TMEM163: variants seen among roughly 807,000 people sequenced by gnomAD.
TMEM163 encodes transmembrane protein 163.
In TMEM163, 17 loss-of-function variants were observed where a neutral mutation model predicts 29.3. The ratio of observed to expected loss-of-function variants is 0.58; its 90% CI spans 0.40 to 0.87. The LOEUF (loss-of-function observed/expected upper bound fraction) is 0.87. Among genes scored for constraint, TMEM163 ranks in the 40% least tolerant of loss-of-function variants. TMEM163 has a pLI of 0.00. For missense variants in TMEM163, 303 were observed against 381.5 expected, an observed-to-expected ratio of 0.79 and a Z score of 1.71; for synonymous variants, 157 against 160.6, an observed-to-expected ratio of 0.98 and a Z score of 0.17.
intron 1 of TMEM163, among the ~76,000 whole-genome samples, chr2:134,718,468 G>T (rs1451479720): frequency 5.3e-5 from 8 of 152,252 alleles, no homozygotes; most frequent in African/African-American, 1.2e-4. Flanking sequence ...TGGAGCTGGC[G>T]GAGAGGAGGG....
At chr2:134,542,236 T>C (rs933794984) in intron 4 of TMEM163, among the ~76,000 whole-genome samples, 8 of 152,234 alleles carry the variant, frequency 5.3e-5, no homozygotes, top group Non-Finnish European at 1.2e-4. Flanking sequence ...AGTTATTCAA[T>C]GCCATGTTTA....
rs778756283 is a variant in TMEM163 at position 134,552,108 on chromosome 2, T to C, written c.323-17A>G. On this transcript the variant is annotated splice_polypyrimidine_tract_variant and intron_variant, in intron 2 of 7. Coordinates refer to ENST00000281924, the MANE Select transcript of TMEM163 (RefSeq NM_030923.5). ...CGGAGACAGCTAAAAAGAAAGAAAA[T>C]ATTATTCAGAATATTTTAAAACCTC... 3.1e-6 allele frequency: 5 copies of C among 1,606,536 alleles called. No individual in the cohort carries two copies. The East Asian group carries it at 1.1e-4, about 36-fold the overall frequency.
At chr2:134,524,616 G>T (rs1215815001) in intron 4 of TMEM163, among the ~76,000 whole-genome samples, 8 of 150,106 alleles carry the variant, frequency 5.3e-5, no homozygotes, top group African/African-American at 2.0e-4. Context: ...ATGAGAACAT[G>T]TGGTGTTCGG....
intron 2 of TMEM163, among the ~76,000 whole-genome samples, chr2:134,575,861 G>A (rs79073769): frequency 0.03 from 4,586 of 152,128 alleles, 249 homozygotes; most frequent in African/African-American, 0.11. Flanking sequence ...TCTCGGGGAG[G>A]CAGGTCTCCA....
chr2:134,572,591 CAG>C (rs1381397458), intron 2 of TMEM163, among the ~76,000 whole-genome samples: 1 of 152,134 alleles, frequency 6.6e-6, no homozygotes, highest in East Asian at 1.9e-4. Flanking sequence ...TACTGTGGTT[CAG>C]AGAGGAAACA....
Position 134,718,907 on chromosome 2 carries a change from C to A in TMEM163, c.29G>T (p.Arg10Leu), listed in dbSNP as rs1265472698. The change falls in exon 1 of 8, where the codon CGC becomes CTC. Residue 10 changes from arginine (R) to leucine (L), a missense_variant. Transcript: ENST00000281924. The stretch of plus-strand genomic sequence containing the variant: ...CGGGACGGTGGGCCCCTGGGAGCTG[C>A]GGCGCTGGATGCCCGCGGCCGGCTC... MEPAAGIQR[R>L]SSQGPTVPPP... 59 of 1,077,698 alleles carry A rather than the reference C, an allele frequency of 5.5e-5. No individual in the cohort carries two copies. The highest frequency in any genetic ancestry group is 6.6e-5 in the Non-Finnish European group (59 of 891,132). 66.8% of individuals were successfully genotyped at this position (1,077,698 alleles called of 1,614,324 possible). A position where few individuals can be genotyped will look rare whatever the true frequency, so the allele number is the denominator to read the frequency against.
chr2:134,485,348 A>C (rs1052320554), intron 5 of TMEM163, among the ~76,000 whole-genome samples: 2 of 152,240 alleles, frequency 1.3e-5, no homozygotes, highest in Admixed American at 1.3e-4. Context: ...GGGTCCTTGA[A>C]GTATGTTTCT....
At chr2:134,465,980 C>T (rs548843600) in intron 6 of TMEM163, 134 bp downstream of exon 6, 10 of 614,332 alleles carry the variant, frequency 1.6e-5, no homozygotes, top group South Asian at 1.3e-4. Context: ...CAACTTGAGG[C>T]GGGTAGGAGA....
chr2:134,673,358 C>A (rs1301508166), intron 2 of TMEM163, among the ~76,000 whole-genome samples: 1 of 152,180 alleles, frequency 6.6e-6, no homozygotes, highest in Non-Finnish European at 1.5e-5. Context: ...CACTGCACAT[C>A]CTTTCATGAG....
intron 2 of TMEM163, among the ~76,000 whole-genome samples, chr2:134,597,187 G>C (rs1682106862): frequency 6.6e-6 from 1 of 152,154 alleles, no homozygotes; most frequent in African/African-American, 2.4e-5. Flanking sequence ...TCCCTGTCTT[G>C]TGCCAGTTTT....
chr2:134,610,662 G>A (rs1295106156), intron 2 of TMEM163, among the ~76,000 whole-genome samples: 4 of 152,184 alleles, frequency 2.6e-5, no homozygotes, highest in African/African-American at 4.8e-5. Flanking sequence ...CTGGTAGCAC[G>A]TTTGAGTCAC....
At position 134,496,062 on chromosome 2, in the gene TMEM163, C is replaced by CT. The variant is rs1276684687; in HGVS notation, c.555+6838dup. On this transcript the variant is annotated intron_variant, in intron 5 of 7. Coordinates refer to ENST00000281924, the MANE Select transcript of TMEM163 (RefSeq NM_030923.5). ...TAATTTCACAAAATCCAAGGCTTAA[C>CT]TATTTTTTTTTTTTTTTGAGACGGA... Among the ~76,000 whole-genome samples the CT allele has an allele frequency of 6.7e-3, 960 of 142,698 alleles. 15 individuals carry two copies. The highest frequency in any genetic ancestry group is 0.024 in the African/African-American group (916 of 37,966). The allele number at this position is 142,698 out of a possible 152,430, so 93.6% of individuals were successfully genotyped here. A position where few individuals can be genotyped will look rare whatever the true frequency, so the allele number is the denominator to read the frequency against.
At chr2:134,707,680 T>G (rs1203264559) in intron 2 of TMEM163, among the ~76,000 whole-genome samples, 2 of 151,856 alleles carry the variant, frequency 1.3e-5, no homozygotes, top group Admixed American at 1.3e-4. Flanking sequence ...AGGGAAGAAC[T>G]GTGATGAAGG....
At chr2:134,584,078 T>G (rs1252591977) in intron 2 of TMEM163, among the ~76,000 whole-genome samples, 1 of 152,206 alleles carries the variant, frequency 6.6e-6, no homozygotes, top group Non-Finnish European at 1.5e-5. Context: ...CTACAAAATC[T>G]CTGCACAGGA....
intron 2 of TMEM163, among the ~76,000 whole-genome samples, chr2:134,572,746 T>C (rs906857893): frequency 1.3e-5 from 2 of 152,178 alleles, no homozygotes; most frequent in African/African-American, 4.8e-5. Context: ...TGTGTGCTTA[T>C]TATAAACCCT....
intron 4 of TMEM163, among the ~76,000 whole-genome samples, chr2:134,528,316 C>T (rs1284883900): frequency 6.6e-6 from 1 of 152,208 alleles, no homozygotes; most frequent in Non-Finnish European, 1.5e-5. Context: ...TTTAGTCTAA[C>T]AATTCCAAAA....
intron 2 of TMEM163, among the ~76,000 whole-genome samples, chr2:134,589,481 C>T (rs1681894355): frequency 6.6e-6 from 1 of 152,188 alleles, no homozygotes; most frequent in Non-Finnish European, 1.5e-5. Context: ...GTCCTCACTG[C>T]TCATTATACA....
intron 2 of TMEM163, among the ~76,000 whole-genome samples, chr2:134,603,073 C>T (rs1429598099): frequency 6.6e-6 from 1 of 152,136 alleles, no homozygotes; most frequent in Non-Finnish European, 1.5e-5. Flanking sequence ...TCAGAAATAA[C>T]ATCATCCTTC....
intron 4 of TMEM163, among the ~76,000 whole-genome samples, chr2:134,538,976 G>C (rs1256617241): frequency 6.6e-6 from 1 of 152,142 alleles, no homozygotes; most frequent in Non-Finnish European, 1.5e-5. Context: ...TGGGGTGACA[G>C]TATGCTATGT....
Sources: gnomAD v4.1 joint callset for allele counts (sites outside exome capture counted in the v4.1 genomes callset) on GRCh38, gnomAD v4.1.1 for gene constraint, MANE v1.5 for transcripts, NCBI Gene and HGNC (gene_info 2026-07-23, HGNC 2026-07-21) for gene names.